The following TMOD1 variants were observed in gnomAD, a reference collection of about 807,000 sequenced individuals.
TMOD1 encodes tropomodulin-1.
A neutral mutation model predicts 40.6 loss-of-function variants in TMOD1; 17 were observed. The observed-to-expected ratio is 0.42, with a 90% CI of 0.29 to 0.63. The LOEUF (loss-of-function observed/expected upper bound fraction) is 0.63. Among genes scored for constraint, TMOD1 ranks in the 20% least tolerant of loss-of-function variants. The probability of loss-of-function intolerance (pLI) is 0.22; values close to 1 mark genes in which losing one functional copy is unlikely to be tolerated. For missense variants in TMOD1, 391 were observed against 447.6 expected (o/e 0.87, Z 1.14); for synonymous variants, 181 against 175.0 (o/e 1.03, Z -0.27).
intron 8 of TMOD1, among the ~76,000 whole-genome samples, chr9:97,588,320 G>C (rs1057313505): frequency 7.2e-5 from 11 of 152,088 alleles, no homozygotes; most frequent in Admixed American, 5.2e-4. Context: ...TCTCATTGTG[G>C]TTTGATTTGC....
chr9:97,576,360 C>T (rs1243112208), intron 8 of TMOD1, among the ~76,000 whole-genome samples: 1 of 152,172 alleles, frequency 6.6e-6, no homozygotes, highest in Non-Finnish European at 1.5e-5. Context: ...AGGAGGATCA[C>T]TTGAGCCCAG....
At chr9:97,503,904 T>G (rs1829545185) in intron 1 of TMOD1, among the ~76,000 whole-genome samples, 1 of 152,064 alleles carries the variant, frequency 6.6e-6, no homozygotes, top group South Asian at 2.1e-4. Context: ...TGGAAGCCTT[T>G]CTAGCATGAC....
chr9:97,506,599 C>A (rs1160480739), intron 1 of TMOD1, among the ~76,000 whole-genome samples: 1 of 152,230 alleles, frequency 6.6e-6, no homozygotes, highest in Non-Finnish European at 1.5e-5. Flanking sequence ...TCAGCCCCAT[C>A]ATGATACGTA....
intron 8 of TMOD1, among the ~76,000 whole-genome samples, chr9:97,587,656 G>A (rs545882301): frequency 6.6e-4 from 101 of 151,984 alleles, no homozygotes; most frequent in African/African-American, 2.2e-3. Flanking sequence ...GGGTTTTGAT[G>A]TATTCATAAG....
At chr9:97,586,608 C>T (rs1423014843) in intron 8 of TMOD1, among the ~76,000 whole-genome samples, 9 of 152,108 alleles carry the variant, frequency 5.9e-5, no homozygotes, top group Admixed American at 1.3e-4. Flanking sequence ...CCCAGCCTCG[C>T]TGCCGCCTTG....
rs138039735 is a variant in TMOD1, at chr9:97,506,171, C to T, written c.-49+4368C>T. Among the ~76,000 whole-genome samples, 446 of 152,212 alleles carry T rather than the reference C, an allele frequency of 2.9e-3. 3 individuals carry two copies. Among genetic ancestry groups the T allele is most frequent in the African/African-American group, 0.01 (418 of 41,532 alleles). On this transcript the variant is annotated intron_variant, in intron 1 of 9. Coordinates refer to ENST00000259365, the MANE Select transcript of TMOD1 (RefSeq NM_003275.4). Reference sequence around the variant, plus strand: ...TCTCAGTCTGTGAACTTGTAATCACCCTTAAAAGCAAAGTTCTTCATTGAT... The same window carrying T: ...TCTCAGTCTGTGAACTTGTAATCACTCTTAAAAGCAAAGTTCTTCATTGAT...
intron 8 of TMOD1, 105 bp downstream of exon 8, chr9:97,569,142 C>A: frequency 6.9e-7 from 1 of 1,456,750 alleles, no homozygotes; most frequent in South Asian, 1.3e-5. Context: ...ATGATAGAAG[C>A]TCAGAGCCCA....
rs1341511794 is a variant in TMOD1 at position 97,556,272 on chromosome 9, G to A, written c.397+2872G>A. ...GAGATGGTACCAGTCTTTCTAGCCT[G>A]AGGCAGCAGAAAACAGGCTGGGTGG... On this transcript the variant is annotated intron_variant, in intron 4 of 9. Transcript: ENST00000259365. Among the ~76,000 whole-genome samples, 4 of 152,190 alleles carry A rather than the reference G, an allele frequency of 2.6e-5. No homozygotes were observed. In the East Asian group the frequency reaches 5.8e-4, roughly 22 times the overall value.
At chr9:97,576,845 T>C (rs1830950052) in intron 8 of TMOD1, among the ~76,000 whole-genome samples, 3 of 152,038 alleles carry the variant, frequency 2.0e-5, no homozygotes, top group South Asian at 4.2e-4. Context: ...TTCACCATGT[T>C]AGCCAGGATG....
At chr9:97,521,718 G>A (rs367955052) in intron 1 of TMOD1, among the ~76,000 whole-genome samples, 2 of 152,296 alleles carry the variant, frequency 1.3e-5, no homozygotes, top group East Asian at 3.9e-4. Flanking sequence ...CATTCTGAGA[G>A]AAAAGGATGG....
rs983089845 is a variant in TMOD1 at position 97,513,438 on chromosome 9, C to G, written c.-48-10703C>G. On this transcript the variant is annotated intron_variant, in intron 1 of 9. Coordinates refer to ENST00000259365, the MANE Select transcript of TMOD1 (RefSeq NM_003275.4). This position sits in a 1 kb window ranked among gnomAD's most constrained non-coding sequence, Gnocchi z 4.1. Reference sequence around the variant, plus strand: ...AGGTTTGCATGACCCCTAGTTCAAGCTCTCATCTTTAACCAGGCTGACCCA... The same window carrying G: ...AGGTTTGCATGACCCCTAGTTCAAGGTCTCATCTTTAACCAGGCTGACCCA... 6.6e-6 allele frequency among the ~76,000 whole-genome samples: 1 copy of G among 152,184 alleles called. No homozygotes were observed. Among genetic ancestry groups the G allele is most frequent in the African/African-American group, 2.4e-5 (1 of 41,450 alleles).
Position 97,601,609 on chromosome 9 carries a change from T to G in TMOD1, c.*1911T>G, listed in dbSNP as rs889632211. Reference sequence around the variant, plus strand: ...TAGATCAGGGGCTGGCAAACTTTTCTGTAAAAGGCCAGACAGTAAAAATTT... The same window carrying G: ...TAGATCAGGGGCTGGCAAACTTTTCGGTAAAAGGCCAGACAGTAAAAATTT... On this transcript the variant is annotated 3_prime_UTR_variant, in exon 10 of 10. Coordinates refer to ENST00000259365, the MANE Select transcript of TMOD1 (RefSeq NM_003275.4). 7 of 987,630 alleles carry G rather than the reference T, an allele frequency of 7.1e-6. No individual in the cohort carries two copies. The African/African-American group carries it at 1.2e-4, about 17-fold the overall frequency. 61.2% of individuals were successfully genotyped at this position (987,630 alleles called of 1,614,324 possible).
At chr9:97,566,500 G>A (rs1237539034) in intron 7 of TMOD1, among the ~76,000 whole-genome samples, 1 of 151,878 alleles carries the variant, frequency 6.6e-6, no homozygotes, top group Non-Finnish European at 1.5e-5. Flanking sequence ...GTGAAACCCC[G>A]TCTCTACTAA....
At chr9:97,518,313 C>CA (rs1829856772) in intron 1 of TMOD1, among the ~76,000 whole-genome samples, 1 of 152,186 alleles carries the variant, frequency 6.6e-6, no homozygotes, top group Non-Finnish European at 1.5e-5. Context: ...CTCTGCCGGC[C>CA]AAGGAACACC....
In TMOD1 at chr9:97,599,659, G is replaced by A. The variant is rs1289320996; in HGVS notation, c.1041G>A (p.Leu347=). The stretch of plus-strand genomic sequence containing the variant: ...TGAGGAAGAGGAGGCTTGCGGACCT[G>A]ACTGGGCCCATCATTCCCAAGTGCC... ...DLVRKRRLAD[L]TGPIIPKCRS... is the part of the protein sequence containing the mutation. Residue 347 remains leucine (L), a synonymous_variant, in exon 10 of 10, where the codon CTG becomes CTA. Coordinates refer to ENST00000259365, the MANE Select transcript of TMOD1 (RefSeq NM_003275.4). The A allele has an allele frequency of 1.2e-6, 2 of 1,614,056 alleles. No individual in the cohort carries two copies. The highest frequency in any genetic ancestry group is 1.7e-5 in the Admixed American group (1 of 59,998).
At chr9:97,599,005 T>C (rs2131299359) in intron 9 of TMOD1, among the ~76,000 whole-genome samples, 1 of 152,262 alleles carries the variant, frequency 6.6e-6, no homozygotes, top group East Asian at 1.9e-4. Flanking sequence ...CTCCTGCCCC[T>C]CCCTGCATCC....
intron 4 of TMOD1, among the ~76,000 whole-genome samples, chr9:97,554,940 C>CATTCA (rs1830512982): frequency 6.6e-6 from 1 of 152,128 alleles, no homozygotes; most frequent in South Asian, 2.1e-4. Context: ...GTCTGGGGGA[C>CATTCA]CTGAGGAGTG....
intron 8 of TMOD1, among the ~76,000 whole-genome samples, chr9:97,588,534 C>T (rs995606782): frequency 6.6e-6 from 1 of 152,026 alleles, no homozygotes; most frequent in Non-Finnish European, 1.5e-5. Flanking sequence ...TTTTCCCATT[C>T]TTTGTGTTGT....
intron 2 of TMOD1, among the ~76,000 whole-genome samples, chr9:97,526,383 A>T (rs1049486784): frequency 7.2e-5 from 11 of 152,212 alleles, no homozygotes; most frequent in African/African-American, 2.7e-4. Flanking sequence ...TTAGCAAGTC[A>T]CACTAGAACT....
Sources: allele counts gnomAD v4.1 joint callset (sites outside exome capture counted in the v4.1 genomes callset), GRCh38; gene constraint gnomAD v4.1.1; non-coding constraint Gnocchi (gnomAD v3.1); transcripts MANE v1.5; gene names NCBI Gene and HGNC (gene_info 2026-07-23, HGNC 2026-07-21).